The following SYT9 variants were observed in gnomAD, a reference collection of about 807,000 sequenced individuals.
SYT9 encodes synaptotagmin 9, also known as synaptotagmin-9.
Under a neutral mutation model 48.4 loss-of-function variants are expected in SYT9, and 22 were observed. That is an observed-to-expected ratio of 0.45 (90% CI 0.32 to 0.65). The LOEUF is 0.65. SYT9 is among the 30% of genes least tolerant of loss of function. SYT9 has a pLI of 0.03. For synonymous variants in SYT9, 265 were observed against 245.0 expected, an observed-to-expected ratio of 1.08 and a Z score of -0.76; for missense variants, 577 against 622.0, an observed-to-expected ratio of 0.93 and a Z score of 0.77.
At chr11:7,314,280 C>T (rs1008578598) in intron 3 of SYT9, 1 of 449,926 alleles carries the variant, frequency 2.2e-6, no homozygotes, top group African/African-American at 2.0e-5. Flanking sequence ...TGAATGGAAC[C>T]TGGCATTCTA....
At chr11:7,385,368 G>C (rs1406511887) in intron 3 of SYT9, among the ~76,000 whole-genome samples, 2 of 147,064 alleles carry the variant, frequency 1.4e-5, no homozygotes, top group Non-Finnish European at 3.0e-5. Context: ...GTGTGTGTGT[G>C]TGCGTGTGTG....
intron 3 of SYT9, among the ~76,000 whole-genome samples, chr11:7,406,868 T>C (rs1026313307): frequency 1.3e-4 from 20 of 152,166 alleles, no homozygotes; most frequent in Admixed American, 4.6e-4. Flanking sequence ...ATTTTTTGTC[T>C]TTTTAATAAT....
intron 1 of SYT9, among the ~76,000 whole-genome samples, chr11:7,239,740 C>T (rs1395638979): frequency 6.6e-6 from 1 of 151,934 alleles, no homozygotes; most frequent in Non-Finnish European, 1.5e-5. Context: ...CTAAAAGCAA[C>T]AAGATTTGCT....
Position 7,420,461 on chromosome 11 carries a change from C to CA in SYT9, c.1338-44dup, listed in dbSNP as rs777112179. The CA allele has an allele frequency of 9.3e-6, 15 of 1,608,672 alleles. No homozygotes were observed. The African/African-American group carries it at 1.1e-4, about 11-fold the overall frequency. On this transcript the variant is annotated intron_variant, in intron 5 of 6. Coordinates refer to ENST00000318881, the MANE Select transcript of SYT9 (RefSeq NM_175733.4). Reference sequence around the variant, plus strand: ...TTTAATTGAGTAGCTATTGATCTTACATACCAAAATTTTAAGAAAAAACTA... The same window carrying CA: ...TTTAATTGAGTAGCTATTGATCTTACAATACCAAAATTTTAAGAAAAAACTA...
At chr11:7,367,554 A>G (rs2134025058) in intron 3 of SYT9, among the ~76,000 whole-genome samples, 1 of 152,326 alleles carries the variant, frequency 6.6e-6, no homozygotes, top group South Asian at 2.1e-4. Flanking sequence ...TTATTATAAC[A>G]TTAATGCAGT....
chr11:7,337,608 T>A (rs113398495), intron 3 of SYT9, among the ~76,000 whole-genome samples: 6,951 of 152,326 alleles, frequency 0.046, 210 homozygotes, highest in African/African-American at 0.072. Flanking sequence ...CTTTTCTGCA[T>A]CTATTGAGAT....
chr11:7,330,644 T>G (rs928963379), intron 3 of SYT9, among the ~76,000 whole-genome samples: 6 of 152,158 alleles, frequency 3.9e-5, no homozygotes, highest in South Asian at 4.1e-4. Flanking sequence ...TCTGAGAAGT[T>G]AGCCAACAGG....
chr11:7,417,862 G>T (rs4757993), intron 4 of SYT9, 95 bp from the exon 5 acceptor site: 733,086 of 1,330,030 alleles, frequency 0.55, 209,815 homozygotes, highest in Non-Finnish European at 0.59. Context: ...AAGGAGTTCA[G>T]CATACCATAG....
intron 2 of SYT9, among the ~76,000 whole-genome samples, chr11:7,304,736 T>G (rs769864178): frequency 2.0e-5 from 3 of 152,216 alleles, no homozygotes; most frequent in Non-Finnish European, 4.4e-5. Context: ...TCCTCAGATT[T>G]TATCACTAGG....
intron 6 of SYT9, among the ~76,000 whole-genome samples, chr11:7,458,267 G>A (rs563082152): frequency 3.9e-5 from 6 of 152,234 alleles, no homozygotes; most frequent in Admixed American, 3.3e-4. Flanking sequence ...GATCACCTGA[G>A]GTCAGGAGTT....
At chr11:7,343,390 T>G (rs1044083400) in intron 3 of SYT9, among the ~76,000 whole-genome samples, 5 of 152,210 alleles carry the variant, frequency 3.3e-5, no homozygotes, top group Admixed American at 3.3e-4. Context: ...CCAGATACCC[T>G]AAATCATCTC....
intron 3 of SYT9, among the ~76,000 whole-genome samples, chr11:7,378,914 T>G (rs2134042376): frequency 1.3e-5 from 2 of 152,294 alleles, no homozygotes; most frequent in South Asian, 4.2e-4. Context: ...CTTAATGTGT[T>G]CTTTTCTTCA....
chr11:7,466,668 C>G, intron 6 of SYT9, 124 bp from the exon 7 acceptor site: 1 of 946,298 alleles, frequency 1.1e-6, no homozygotes. Context: ...TTGCAGTGAG[C>G]CAAGATCGCG....
intron 1 of SYT9, among the ~76,000 whole-genome samples, chr11:7,285,483 A>G (rs907273830): frequency 1.3e-5 from 2 of 152,208 alleles, no homozygotes; most frequent in Non-Finnish European, 2.9e-5. Context: ...CATGGGGATT[A>G]TGGGAACTAT....
chr11:7,341,249 A>G (rs1017105514), intron 3 of SYT9, among the ~76,000 whole-genome samples: 14 of 152,138 alleles, frequency 9.2e-5, no homozygotes, highest in Non-Finnish European at 1.5e-4. Context: ...GTTGGAAAAC[A>G]TTAATCTTGT....
chr11:7,264,538 G>T (rs1283050865), intron 1 of SYT9, among the ~76,000 whole-genome samples: 1 of 152,096 alleles, frequency 6.6e-6, no homozygotes, highest in Admixed American at 6.6e-5. Flanking sequence ...TATGTAAAAG[G>T]ATTAGGGATA....
At chr11:7,311,824 C>A (rs1849139727) in intron 2 of SYT9, among the ~76,000 whole-genome samples, 1 of 152,184 alleles carries the variant, frequency 6.6e-6, no homozygotes, top group Non-Finnish European at 1.5e-5. Context: ...AAGTGAGACT[C>A]AAGCTCTATT....
chr11:7,319,263 T>C (rs1367705124), intron 3 of SYT9, among the ~76,000 whole-genome samples: 1 of 140,210 alleles, frequency 7.1e-6, no homozygotes, highest in African/African-American at 2.6e-5. Context: ...GAGGTATCTG[T>C]AGGCTGGCAA....
At chr11:7,400,370 T>A (rs895716973) in intron 3 of SYT9, among the ~76,000 whole-genome samples, 1 of 152,126 alleles carries the variant, frequency 6.6e-6, no homozygotes, top group Non-Finnish European at 1.5e-5. Context: ...ACCTTACATA[T>A]GCAAAAAATA....
Sources: gnomAD v4.1 joint callset for allele counts (sites outside exome capture counted in the v4.1 genomes callset) on GRCh38, gnomAD v4.1.1 for gene constraint, MANE v1.5 for transcripts, NCBI Gene and HGNC (gene_info 2026-07-23, HGNC 2026-07-21) for gene names.